NXPE2: variants seen among roughly 807,000 people sequenced by gnomAD.
NXPE2 encodes the protein NXPE family member 2.
A neutral mutation model predicts 34.4 loss-of-function variants in NXPE2; 34 were observed. That is an observed-to-expected ratio of 0.99 (90% CI 0.75 to 1.31). The LOEUF is 1.31. Among genes scored for constraint, NXPE2 ranks in the 40% most tolerant of loss-of-function variants. The pLI is 0.00. For missense variants in NXPE2, 649 were observed against 672.5 expected (o/e 0.97, Z 0.39); for synonymous variants, 235 against 231.3 (o/e 1.02, Z -0.15).
the NXPE2 span, among the ~76,000 whole-genome samples, chr11:114,469,602 G>C: frequency 6.6e-6 from 1 of 151,558 alleles, no homozygotes; most frequent in Non-Finnish European, 1.5e-5. Flanking sequence ...CAATTCTCTT[G>C]CCTCAGCCTC....
the NXPE2 span, among the ~76,000 whole-genome samples, chr11:114,767,118 T>C: frequency 2.0e-5 from 3 of 152,314 alleles, no homozygotes; most frequent in South Asian, 6.2e-4. Context: ...ACAGTTAACT[T>C]ATCCTATACT....
At chr11:114,558,545 G>A in the NXPE2 span, among the ~76,000 whole-genome samples, 1 of 152,090 alleles carries the variant, frequency 6.6e-6, no homozygotes, top group African/African-American at 2.4e-5. Flanking sequence ...TGGAAGTTGA[G>A]TTATTGACAA....
chr11:114,778,344 G>T, the NXPE2 span, among the ~76,000 whole-genome samples: 3 of 152,184 alleles, frequency 2.0e-5, no homozygotes, highest in African/African-American at 7.2e-5. Flanking sequence ...CCTTGCTAAG[G>T]AATCTTTAAG....
At chr11:114,754,552 G>A in the NXPE2 span, among the ~76,000 whole-genome samples, 1 of 152,198 alleles carries the variant, frequency 6.6e-6, no homozygotes, top group Non-Finnish European at 1.5e-5. Flanking sequence ...GAGCCATGGT[G>A]GACTGGCTGG....
the NXPE2 span, among the ~76,000 whole-genome samples, chr11:114,642,428 C>T: frequency 6.6e-6 from 1 of 151,996 alleles, no homozygotes; most frequent in African/African-American, 2.4e-5. Flanking sequence ...CCCCACTCCC[C>T]CCAGCCCCCG....
chr11:114,793,565 C>T, the NXPE2 span, among the ~76,000 whole-genome samples: 1 of 152,158 alleles, frequency 6.6e-6, no homozygotes, highest in Admixed American at 6.5e-5. Flanking sequence ...GTGGCTTAAC[C>T]TGGCCTTCTG....
chr11:114,810,438 C>T, the NXPE2 span, among the ~76,000 whole-genome samples: 1 of 125,070 alleles, frequency 8.0e-6, no homozygotes, highest in Non-Finnish European at 1.7e-5. Flanking sequence ...TTGCAACCTA[C>T]TCATCTGACA....
At chr11:114,791,573 T>C in the NXPE2 span, among the ~76,000 whole-genome samples, 3 of 152,238 alleles carry the variant, frequency 2.0e-5, no homozygotes, top group East Asian at 3.9e-4. Context: ...AAAGCAGAGA[T>C]TGAGTCAAGA....
chr11:114,564,042 T>C, the NXPE2 span, among the ~76,000 whole-genome samples: 2 of 152,210 alleles, frequency 1.3e-5, no homozygotes, highest in South Asian at 4.1e-4. Flanking sequence ...TGCAAAAATA[T>C]GGAACCAGCC....
chr11:114,703,953 G>C, intron 3 of NXPE2, 38 bp from the exon 4 acceptor site: 2 of 1,404,466 alleles, frequency 1.4e-6, no homozygotes, highest in Non-Finnish European at 2.0e-6. Context: ...TATTATCTGG[G>C]CAGATATTAA....
At chr11:114,725,993 A>ATATATATATATATATATATATATATATAT in the NXPE2 span, among the ~76,000 whole-genome samples, 25 of 127,300 alleles carry the variant, frequency 2.0e-4, 1 homozygote, top group East Asian at 2.5e-4. Flanking sequence ...ATATATATAT[A>ATATATATATATATATATATATATATATAT]AAAAGAAAAA....
the NXPE2 span, among the ~76,000 whole-genome samples, chr11:114,592,371 A>T: frequency 6.6e-6 from 1 of 152,156 alleles, no homozygotes; most frequent in Non-Finnish European, 1.5e-5. Context: ...ACATTTCTAT[A>T]CACCAATACC....
the NXPE2 span, among the ~76,000 whole-genome samples, chr11:114,639,028 G>A: frequency 6.6e-6 from 1 of 152,166 alleles, no homozygotes; most frequent in Non-Finnish European, 1.5e-5. Flanking sequence ...GTTTGCAGAG[G>A]TTACTGCTGT....
chr11:114,800,894 T>A, the NXPE2 span, among the ~76,000 whole-genome samples: 1 of 152,248 alleles, frequency 6.6e-6, no homozygotes, highest in Non-Finnish European at 1.5e-5. Flanking sequence ...GTTGCTGCTG[T>A]TGTTGCTACT....
chr11:114,778,657 C>G, the NXPE2 span, among the ~76,000 whole-genome samples: 1 of 152,126 alleles, frequency 6.6e-6, no homozygotes, highest in Non-Finnish European at 1.5e-5. Flanking sequence ...GGAGTCTCCC[C>G]CAGAGCAGCT....
At chr11:114,509,234 C>T in the NXPE2 span, among the ~76,000 whole-genome samples, 6 of 151,738 alleles carry the variant, frequency 4.0e-5, no homozygotes, top group African/African-American at 7.2e-5. Context: ...ATGGCTATTA[C>T]AAAAAGTCAA....
At chr11:114,622,728 G>T in the NXPE2 span, among the ~76,000 whole-genome samples, 1 of 151,392 alleles carries the variant, frequency 6.6e-6, no homozygotes, top group Non-Finnish European at 1.5e-5. Context: ...GTGTTCCCTC[G>T]TGTGTAACCA....
the NXPE2 span, among the ~76,000 whole-genome samples, chr11:114,636,165 T>C: frequency 6.6e-6 from 1 of 152,110 alleles, no homozygotes; most frequent in Non-Finnish European, 1.5e-5. Flanking sequence ...TATTCAGAGA[T>C]TCAACTTCTT....
chr11:114,799,304 A>G, the NXPE2 span, among the ~76,000 whole-genome samples: 24 of 150,098 alleles, frequency 1.6e-4, no homozygotes, highest in Middle Eastern at 6.9e-3. Flanking sequence ...AAAAAAAAAA[A>G]AAAAAAAAAA....
Sources: gnomAD v4.1 joint callset for allele counts (sites outside exome capture counted in the v4.1 genomes callset) on GRCh38, gnomAD v4.1.1 for gene constraint, MANE v1.5 for transcripts, NCBI Gene and HGNC (gene_info 2026-07-23, HGNC 2026-07-21) for gene names.